Variants in SF3B1 observed in about 807,000 individuals in gnomAD.
The protein encoded by SF3B1 is pre-mRNA processing 10.
Under a neutral mutation model 153.8 loss-of-function variants are expected in SF3B1, and 12 were observed. The ratio of observed to expected loss-of-function variants is 0.08; its 90% CI spans 0.05 to 0.13. SF3B1 has a LOEUF of 0.13. SF3B1 is among the 10% of genes least tolerant of loss of function. SF3B1 has a pLI of 1.00. For missense variants in SF3B1, 513 were observed against 1,606.1 expected, an observed-to-expected ratio of 0.32 and a Z score of 11.63; for synonymous variants, 498 against 525.2, an observed-to-expected ratio of 0.95 and a Z score of 0.71.
At position 197,409,812 on chromosome 2, in the gene SF3B1, C is replaced by T. The variant is rs1329640213; in HGVS notation, c.862G>A (p.Ala288Thr). 2 of 1,614,074 alleles carry T rather than the reference C, an allele frequency of 1.2e-6. No homozygotes were observed. The highest frequency in any genetic ancestry group is 1.7e-5 in the Admixed American group (1 of 60,016). Residue 288 changes from alanine (A) to threonine (T), a missense_variant, in exon 7 of 25, where the codon GCT becomes ACT. This residue lies in a region of SF3B1 where 91 missense variants were observed against 157.4 expected (regional missense o/e 0.58). Transcript: ENST00000335508. ...GTTTCATCCCATCTGTTTTTACGAG[C>T]ACTGGAAGTTGCGCCTCCATGGCCT... is the stretch of plus-strand genomic sequence containing the variant. Reference protein sequence around the residue: ...TPGHGGATSSARKNRWDETPK... With the variant: ...TPGHGGATSSTRKNRWDETPK...
chr2:197,392,272 C>T lies in SF3B1; in HGVS notation c.*31G>A. On this transcript the variant is annotated 3_prime_UTR_variant, in exon 25 of 25. Coordinates refer to ENST00000335508, the MANE Select transcript of SF3B1 (RefSeq NM_012433.4). ...AAAGCAAGTTTAAGGTGTGAAGTAGCTGTGCATTAAACACAAAATAAACAA... is the reference window on the plus strand; with the variant it reads ...AAAGCAAGTTTAAGGTGTGAAGTAGTTGTGCATTAAACACAAAATAAACAA... 1.1e-6 allele frequency: 1 copy of T among 877,050 alleles called. No homozygotes were observed. Among genetic ancestry groups the T allele is most frequent in the Non-Finnish European group, 1.9e-6 (1 of 526,658 alleles). The allele number at this position is 877,050 out of a possible 1,614,324, so 54.3% of individuals were successfully genotyped here. A position where few individuals can be genotyped will look rare whatever the true frequency, so the allele number is the denominator to read the frequency against.
rs1225431175 is a variant in SF3B1, at chr2:197,390,631, C to T, written c.*1672G>A. ...GTCAATTTTTTTTTTTTTTTTGAGA[C>T]GGAGTCTCTGTCGCCCAGGCTGGAG... On this transcript the variant is annotated 3_prime_UTR_variant, in exon 25 of 25. Coordinates refer to ENST00000335508, the MANE Select transcript of SF3B1 (RefSeq NM_012433.4). The T allele has an allele frequency of 1.4e-5, 2 of 140,542 alleles. No individual in the cohort carries two copies. Among genetic ancestry groups the T allele is most frequent in the African/African-American group, 5.4e-5 (2 of 37,304 alleles). The allele number at this position is 140,542 out of a possible 1,614,324, so 8.7% of individuals were successfully genotyped here. A position where few individuals can be genotyped will look rare whatever the true frequency, so the allele number is the denominator to read the frequency against.
Position 197,420,516 on chromosome 2 carries a change from A to C in SF3B1, c.327T>G (p.Pro109=), listed in dbSNP as rs1417553059. The C allele has an allele frequency of 6.8e-6, 11 of 1,612,056 alleles. No individual in the cohort carries two copies. Among genetic ancestry groups the C allele is most frequent in the Non-Finnish European group, 9.3e-6 (11 of 1,178,924 alleles). The change falls in exon 4 of 25, where the codon CCT becomes CCG. Residue 109 remains proline, a synonymous_variant. Coordinates refer to ENST00000335508, the MANE Select transcript of SF3B1 (RefSeq NM_012433.4). ...EQYDPFAEHR[P]PKIADREDEY... is the part of the protein sequence containing the mutation. Reference sequence around the variant, plus strand: ...CATCTTCCCGGTCTGCAATCTTTGGAGGTCTGTGCTCAGCAAATGGATCAT... The same window carrying C: ...CATCTTCCCGGTCTGCAATCTTTGGCGGTCTGTGCTCAGCAAATGGATCAT...
At chr2:197,413,473 T>C (rs1275366978) in intron 6 of SF3B1, among the ~76,000 whole-genome samples, 3 of 152,196 alleles carry the variant, frequency 2.0e-5, no homozygotes, top group Non-Finnish European at 4.4e-5. Context: ...AAATCCCTCC[T>C]ACATATAACC....
chr2:197,392,889 C>A lies in SF3B1; in HGVS notation c.3756+83G>T. Reference sequence around the variant, plus strand: ...CATATATACCTATGTAACAAACCTGCACGTTCAGCACAAGTATCCCAGAAC... The same window carrying A: ...CATATATACCTATGTAACAAACCTGAACGTTCAGCACAAGTATCCCAGAAC... On this transcript the variant is annotated intron_variant, in intron 24 of 24. Coordinates refer to ENST00000335508, the MANE Select transcript of SF3B1 (RefSeq NM_012433.4). 3 of 791,844 alleles carry A rather than the reference C, an allele frequency of 3.8e-6. No individual in the cohort carries two copies. The South Asian group carries it at 5.0e-5, about 13-fold the overall frequency. The allele number at this position is 791,844 out of a possible 1,614,324, so 49.1% of individuals were successfully genotyped here. A position where few individuals can be genotyped will look rare whatever the true frequency, so the allele number is the denominator to read the frequency against.
intron 20 of SF3B1, among the ~76,000 whole-genome samples, chr2:197,399,247 G>C (rs1243619241): frequency 1.3e-5 from 2 of 152,098 alleles, no homozygotes; most frequent in Non-Finnish European, 2.9e-5. Flanking sequence ...GGTTGCATTG[G>C]AGATTATATG....
chr2:197,397,344 T>C (rs2084887368), intron 22 of SF3B1, among the ~76,000 whole-genome samples: 1 of 152,176 alleles, frequency 6.6e-6, no homozygotes, highest in Admixed American at 6.6e-5. Flanking sequence ...TTAAATGATG[T>C]TGTGAGACTA....
chr2:197,432,338 T>C (rs2085452844), intron 1 of SF3B1, among the ~76,000 whole-genome samples: 1 of 152,234 alleles, frequency 6.6e-6, no homozygotes, highest in African/African-American at 2.4e-5. Flanking sequence ...GAGAATAATG[T>C]GTGTTCCCTG....
chr2:197,430,975 A>C, intron 1 of SF3B1, among the ~76,000 whole-genome samples: 1 of 152,172 alleles, frequency 6.6e-6, no homozygotes, highest in African/African-American at 2.4e-5. Flanking sequence ...TTTAAAACTC[A>C]GACCTACATA....
At chr2:197,420,222 G>T in intron 4 of SF3B1, 4 of 451,424 alleles carry the variant, frequency 8.9e-6, no homozygotes, top group Non-Finnish European at 1.6e-5. Context: ...TTTTTTTCTT[G>T]TCCTTCTACC....
chr2:197,393,958 T>C (rs963773262), intron 23 of SF3B1, among the ~76,000 whole-genome samples: 1 of 152,084 alleles, frequency 6.6e-6, no homozygotes, highest in African/African-American at 2.4e-5. Flanking sequence ...CCGAGGCAGA[T>C]GGATCACCTG....
chr2:197,432,213 A>C (rs1007562501), intron 1 of SF3B1, among the ~76,000 whole-genome samples: 1 of 152,252 alleles, frequency 6.6e-6, no homozygotes, highest in African/African-American at 2.4e-5. Flanking sequence ...GCAAAGAATT[A>C]GGGAAAAAAC....
chr2:197,431,104 CTTTTTT>C (rs558644461), intron 1 of SF3B1, among the ~76,000 whole-genome samples: 5 of 73,710 alleles, frequency 6.8e-5, no homozygotes, highest in African/African-American at 2.3e-4. Flanking sequence ...GCCTTTTCTT[CTTTTTT>C]TTTTTTTTTT....
At position 197,401,855 on chromosome 2, in the gene SF3B1, G is replaced by C. The variant is rs2105984552; in HGVS notation, c.2257C>G (p.Leu753Val). ...LAAFLKAIGY[L>V]IPLMDAEYAN... ...TATTCTGCATCCATAAGAGGAATAA[G>C]ATACCCAATAGCCTTCAAGAAAGCA... Residue 753 changes from leucine to valine, a missense_variant, in exon 16 of 25, where the codon CTT becomes GTT. By Grantham distance (32) the Leu-to-Val change is conservative. Coordinates refer to ENST00000335508, the MANE Select transcript of SF3B1 (RefSeq NM_012433.4). This position sits in a 1 kb window ranked among gnomAD's most constrained non-coding sequence, Gnocchi z 4.2. 1 of 1,610,128 alleles carries C rather than the reference G, an allele frequency of 6.2e-7. No individual in the cohort carries two copies. The highest frequency in any genetic ancestry group is 8.5e-7 in the Non-Finnish European group (1 of 1,178,614).
In SF3B1 at chr2:197,435,003, G is replaced by C. The variant is rs1367125448; in HGVS notation, c.-4C>G. ...GAGTCTTGGCGATCTTCGCCATTTTGTCCACTCGAACACACAGACGGAACT... is the reference window on the plus strand; with the variant it reads ...GAGTCTTGGCGATCTTCGCCATTTTCTCCACTCGAACACACAGACGGAACT... On this transcript the variant is annotated 5_prime_UTR_variant, in exon 1 of 25. Coordinates refer to ENST00000335508, the MANE Select transcript of SF3B1 (RefSeq NM_012433.4). 11 of 1,614,146 alleles carry C rather than the reference G, an allele frequency of 6.8e-6. No homozygotes were observed. The highest frequency in any genetic ancestry group is 1.6e-4 in the Middle Eastern group (1 of 6,082).
In SF3B1 at chr2:197,400,754, A is replaced by G; in HGVS notation, c.2679T>C (p.Ile893=). The stretch of plus-strand genomic sequence containing the variant: ...CTTGGAAAGCATAAAGAATACCATC[A>G]ATCAGTTGTTCTTCAAGTTTATGAT... ...DIDHKLEEQL[I]DGILYAFQEQ... The change falls in exon 18 of 25, where the codon ATT becomes ATC. Residue 893 remains isoleucine, a synonymous_variant. Coordinates refer to ENST00000335508, the MANE Select transcript of SF3B1 (RefSeq NM_012433.4). This position sits in a 1 kb window ranked among gnomAD's most constrained non-coding sequence, Gnocchi z 5.0. 1 of 1,612,848 alleles carries G rather than the reference A, an allele frequency of 6.2e-7. No homozygotes were observed. The highest frequency in any genetic ancestry group is 8.5e-7 in the Non-Finnish European group (1 of 1,179,190).
rs1451022526 is a variant in SF3B1 at position 197,391,421 on chromosome 2, G to A, written c.*882C>T. 6.6e-6 allele frequency: 1 copy of A among 152,210 alleles called. No individual in the cohort carries two copies. The highest frequency in any genetic ancestry group is 2.4e-5 in the African/African-American group (1 of 41,454). 9.4% of individuals were successfully genotyped at this position (152,210 alleles called of 1,614,324 possible). Reference sequence around the variant, plus strand: ...TCCCCTGCATATAAGCACAGTGGCTGGCATACAGTGGGTGAATAGGTATTT... The same window carrying A: ...TCCCCTGCATATAAGCACAGTGGCTAGCATACAGTGGGTGAATAGGTATTT... On this transcript the variant is annotated 3_prime_UTR_variant, in exon 25 of 25. Transcript: ENST00000335508.
intron 6 of SF3B1, among the ~76,000 whole-genome samples, chr2:197,416,120 C>A (rs1389182732): frequency 6.7e-6 from 1 of 150,074 alleles, no homozygotes; most frequent in Admixed American, 6.6e-5. Context: ...ATTCAGCCTC[C>A]AAAACAAATG....
rs951578224 is a variant in SF3B1, at chr2:197,389,928, A to C, written c.*2375T>G. The C allele has an allele frequency of 6.6e-6, 1 of 152,214 alleles. No individual in the cohort carries two copies. The allele number at this position is 152,214 out of a possible 1,614,324, so 9.4% of individuals were successfully genotyped here. A position where few individuals can be genotyped will look rare whatever the true frequency, so the allele number is the denominator to read the frequency against. Reference sequence around the variant, plus strand: ...GGCGATGGCCCACAGAAAAACCAACAAAGGCCCACAGAAAAACCCACCCTG... The same window carrying C: ...GGCGATGGCCCACAGAAAAACCAACCAAGGCCCACAGAAAAACCCACCCTG... On this transcript the variant is annotated 3_prime_UTR_variant, in exon 25 of 25. Transcript: ENST00000335508.
Sources: allele counts gnomAD v4.1 joint callset (sites outside exome capture counted in the v4.1 genomes callset), GRCh38; gene constraint gnomAD v4.1.1; regional missense constraint gnomAD v4.1.1; non-coding constraint Gnocchi (gnomAD v3.1); transcripts MANE v1.5; gene names NCBI Gene and HGNC (gene_info 2026-07-23, HGNC 2026-07-21).